Variants in NRXN3 observed in about 807,000 individuals in gnomAD.
The protein encoded by NRXN3 is neurexin 3.
NRXN3 carries 32 observed loss-of-function variants against 137.6 expected under a neutral mutation model. That is an observed-to-expected ratio of 0.23 (90% CI 0.18 to 0.31). NRXN3 has a LOEUF of 0.31. Ranked by LOEUF, NRXN3 falls within the 10% of genes least tolerant of loss-of-function variation. NRXN3 has a pLI of 1.00. For missense variants in NRXN3, 1,574 were observed against 2,062.5 expected (o/e 0.76, Z 4.59); for synonymous variants, 798 against 784.5 (o/e 1.02, Z -0.29).
chr14:79,411,989 C>T (rs2095423509), intron 15 of NRXN3, among the ~76,000 whole-genome samples: 1 of 152,110 alleles, frequency 6.6e-6, no homozygotes, highest in South Asian at 2.1e-4. Flanking sequence ...TTATCTGTGA[C>T]TCAGACATAC....
chr14:79,302,598 C>A (rs1331763500), intron 15 of NRXN3, among the ~76,000 whole-genome samples: 1 of 151,866 alleles, frequency 6.6e-6, no homozygotes. Flanking sequence ...GAATTGCAAT[C>A]CCCATGTGCA....
intron 8 of NRXN3, among the ~76,000 whole-genome samples, chr14:78,739,209 C>T (rs1019008742): frequency 3.3e-5 from 5 of 152,250 alleles, no homozygotes; most frequent in African/African-American, 1.2e-4. Context: ...AAGATACTTT[C>T]TTCCTACATA....
chr14:79,688,274 A>C (rs935281470), intron 17 of NRXN3, among the ~76,000 whole-genome samples: 1 of 152,132 alleles, frequency 6.6e-6, no homozygotes, highest in East Asian at 1.9e-4. Context: ...ACTGAGGCCA[A>C]GTGACTTGCC....
chr14:79,756,745 T>A lies in NRXN3; in HGVS notation c.4015-48367T>A, dbSNP rs574312759. On this transcript the variant is annotated intron_variant, in intron 19 of 20. Transcript: ENST00000335750. ...ATAAGTGAATATTTTGCCTAGAGAATTTTGGGCTTGAGTTATCCATCCCTC... is the reference window on the plus strand; with the variant it reads ...ATAAGTGAATATTTTGCCTAGAGAAATTTGGGCTTGAGTTATCCATCCCTC... 2.0e-5 allele frequency among the ~76,000 whole-genome samples: 3 copies of A among 152,282 alleles called. No homozygotes were observed. In the South Asian group the frequency reaches 6.2e-4, roughly 32 times the overall value.
chr14:78,384,828 A>G (rs1461133494), intron 4 of NRXN3, among the ~76,000 whole-genome samples: 2 of 152,180 alleles, frequency 1.3e-5, no homozygotes, highest in African/African-American at 4.8e-5. Context: ...GTGATTCCAT[A>G]ACTCTAAGAT....
At chr14:79,000,167 T>C (rs2099538479) in intron 15 of NRXN3, among the ~76,000 whole-genome samples, 2 of 152,090 alleles carry the variant, frequency 1.3e-5, no homozygotes, top group Non-Finnish European at 1.5e-5. Context: ...GTAAATTAAC[T>C]ACATGCTCTT....
chr14:78,540,228 T>C lies in NRXN3; in HGVS notation c.758-104892T>C, dbSNP rs576866526. ...GGGGTTTTAAAGTCTCCCATTATTATTGTGTGGGAGTCTAAGTCTCTTTGT... is the reference window on the plus strand; with the variant it reads ...GGGGTTTTAAAGTCTCCCATTATTACTGTGTGGGAGTCTAAGTCTCTTTGT... On this transcript the variant is annotated intron_variant, in intron 4 of 20. Transcript: ENST00000335750. 2.6e-5 allele frequency among the ~76,000 whole-genome samples: 4 copies of C among 152,276 alleles called. No homozygotes were observed. The South Asian group carries it at 8.3e-4, about 32-fold the overall frequency.
intron 15 of NRXN3, among the ~76,000 whole-genome samples, chr14:79,409,629 A>C (rs1421156953): frequency 6.9e-6 from 1 of 145,590 alleles, no homozygotes; most frequent in South Asian, 2.1e-4. Context: ...ATATATATAT[A>C]TATATATATA....
intron 16 of NRXN3, among the ~76,000 whole-genome samples, chr14:79,610,940 G>C (rs2098090655): frequency 6.6e-6 from 1 of 152,178 alleles, no homozygotes; most frequent in Non-Finnish European, 1.5e-5. Flanking sequence ...GGTGAAGAGA[G>C]CAACTTGCCA....
intron 4 of NRXN3, among the ~76,000 whole-genome samples, chr14:78,359,253 G>A (rs1460662408): frequency 6.6e-6 from 1 of 152,188 alleles, no homozygotes; most frequent in Non-Finnish European, 1.5e-5. Flanking sequence ...AAATTCTGAT[G>A]TATGGTTCTC....
chr14:79,462,918 A>ATG (rs768387273), intron 15 of NRXN3, among the ~76,000 whole-genome samples: 2 of 152,004 alleles, frequency 1.3e-5, no homozygotes, highest in Admixed American at 6.6e-5. Flanking sequence ...ACATACACAT[A>ATG]TGTATGTATA....
chr14:78,754,918 A>G (rs999524314), intron 8 of NRXN3, among the ~76,000 whole-genome samples: 8 of 150,300 alleles, frequency 5.3e-5, no homozygotes, highest in Non-Finnish European at 1.2e-4. Flanking sequence ...AGGTTTTCCC[A>G]TCAAGAGGTG....
chr14:79,280,344 C>A (rs1003888342), intron 15 of NRXN3: 8 of 1,614,034 alleles, frequency 5.0e-6, no homozygotes, highest in Non-Finnish European at 6.8e-6. Flanking sequence ...CCGGCCTGGA[C>A]GCTTGGGATC....
chr14:79,364,803 G>A (rs11625994), intron 15 of NRXN3, among the ~76,000 whole-genome samples: 58,294 of 151,740 alleles, frequency 0.38, 12,456 homozygotes, highest in Admixed American at 0.5. Flanking sequence ...AAATCTTCAG[G>A]TGGTAAGTAG....
At chr14:79,492,537 C>A (rs1213395961) in intron 16 of NRXN3, among the ~76,000 whole-genome samples, 2 of 152,036 alleles carry the variant, frequency 1.3e-5, no homozygotes, top group African/African-American at 4.8e-5. Flanking sequence ...CACGTGCTAC[C>A]ATGCCCAGCT....
At chr14:78,827,767 G>C (rs1283512978) in intron 10 of NRXN3, among the ~76,000 whole-genome samples, 3 of 152,198 alleles carry the variant, frequency 2.0e-5, no homozygotes, top group Non-Finnish European at 2.9e-5. Context: ...CAGCCTCATG[G>C]CCAGGCCTCA....
chr14:79,778,409 CTG>C (rs1183694398), intron 19 of NRXN3, among the ~76,000 whole-genome samples: 1 of 152,110 alleles, frequency 6.6e-6, no homozygotes, highest in African/African-American at 2.4e-5. Context: ...GAGTGAGACT[CTG>C]TCTCAAAACA....
chr14:79,714,493 C>T (rs2098816869), intron 19 of NRXN3, among the ~76,000 whole-genome samples: 1 of 152,244 alleles, frequency 6.6e-6, no homozygotes, highest in Admixed American at 6.5e-5. Context: ...ATACTAAAAG[C>T]ACCATGCAAC....
intron 6 of NRXN3, among the ~76,000 whole-genome samples, chr14:78,670,173 C>T (rs1265229218): frequency 6.6e-6 from 1 of 152,112 alleles, no homozygotes; most frequent in African/African-American, 2.4e-5. Context: ...AGCCATGTCC[C>T]TGCAAAGGAC....
Sources: gnomAD v4.1 joint callset for allele counts (sites outside exome capture counted in the v4.1 genomes callset) on GRCh38, gnomAD v4.1.1 for gene constraint, MANE v1.5 for transcripts, NCBI Gene and HGNC (gene_info 2026-07-23, HGNC 2026-07-21) for gene names.